Variants in C5 observed in about 807,000 individuals in gnomAD.
C5 encodes complement C5.
C5 carries 140 observed loss-of-function variants against 218.8 expected under a neutral mutation model. The ratio of observed to expected loss-of-function variants is 0.64; its 90% CI spans 0.56 to 0.74. The LOEUF (loss-of-function observed/expected upper bound fraction) is 0.74. Among genes scored for constraint, C5 ranks in the 30% least tolerant of loss-of-function variants. The pLI is 0.00. For missense variants in C5, 1,700 were observed against 1,969.6 expected, an observed-to-expected ratio of 0.86 and a Z score of 2.59; for synonymous variants, 614 against 682.3, an observed-to-expected ratio of 0.90 and a Z score of 1.56.
chr9:121,050,935 G>T (rs939883188), upstream of C5, among the ~76,000 whole-genome samples: 1 of 151,940 alleles, frequency 6.6e-6, no homozygotes, highest in South Asian at 2.1e-4. Flanking sequence ...ATTTATTAAG[G>T]CATATACCAC....
At chr9:120,980,303 T>C in intron 27 of C5, 49 bp from the exon 28 acceptor site, 1 of 1,517,422 alleles carries the variant, frequency 6.6e-7, no homozygotes, top group Non-Finnish European at 9.2e-7. Flanking sequence ...CAACCACCTA[T>C]CAATTGATAT....
chr9:120,990,394 G>T (rs1277102076), intron 23 of C5, among the ~76,000 whole-genome samples: 2 of 152,166 alleles, frequency 1.3e-5, no homozygotes, highest in Admixed American at 6.5e-5. Context: ...GTATGCGAGG[G>T]GAGGAGAATC....
intron 17 of C5, among the ~76,000 whole-genome samples, chr9:121,013,204 C>G (rs1193932763): frequency 6.6e-6 from 1 of 151,366 alleles, no homozygotes; most frequent in Non-Finnish European, 1.5e-5. Flanking sequence ...CCTTTAATCC[C>G]AGTTACTCAG....
chr9:121,030,376 C>A lies in C5; in HGVS notation c.758+21G>T, dbSNP rs564433768. 1,697 of 1,284,888 alleles carry A rather than the reference C, an allele frequency of 1.3e-3. 11 individuals are homozygous for A. The Middle Eastern group carries it at 0.013, about 10-fold the overall frequency. 79.6% of individuals were successfully genotyped at this position (1,284,888 alleles called of 1,614,324 possible). On this transcript the variant is annotated intron_variant, in intron 7 of 40. Coordinates refer to ENST00000223642, the MANE Select transcript of C5 (RefSeq NM_001735.3). ...ATTTGAAAAATAAAAATAAAAACAA[C>A]AAAAAAACAAATGTTCTTACCTTGC...
chr9:120,954,107 C>T (rs2046768027), intron 39 of C5, among the ~76,000 whole-genome samples: 1 of 152,152 alleles, frequency 6.6e-6, no homozygotes, highest in Non-Finnish European at 1.5e-5. Context: ...TGTATAAGGC[C>T]TTAGACCCTC....
chr9:121,016,460 T>C (rs2047308379), intron 14 of C5, 77 bp from the exon 15 acceptor site: 1 of 1,561,594 alleles, frequency 6.4e-7, no homozygotes. Context: ...GTACTAATTG[T>C]TACATGGTTA....
In C5 at chr9:120,997,523, G is replaced by A. The variant is rs1045980567; in HGVS notation, c.2790+24C>T. On this transcript the variant is annotated intron_variant, in intron 21 of 40. Coordinates refer to ENST00000223642, the MANE Select transcript of C5 (RefSeq NM_001735.3). ...CTCTTTTGCAATAATTTAAGCATAA[G>A]TTATTGAAGCATGTTTTTCTTACCA... 3.4e-6 allele frequency: 5 copies of A among 1,487,396 alleles called. No homozygotes were observed. In the South Asian group the frequency reaches 5.7e-5, roughly 17 times the overall value. The allele number at this position is 1,487,396 out of a possible 1,614,324, so 92.1% of individuals were successfully genotyped here. A position where few individuals can be genotyped will look rare whatever the true frequency, so the allele number is the denominator to read the frequency against.
chr9:121,050,371 T>TG, upstream of C5: 1 of 824,008 alleles, frequency 1.2e-6, no homozygotes. Context: ...AACCTCTAAG[T>TG]GGGAAAACTA....
the C5 span, among the ~76,000 whole-genome samples, chr9:121,067,351 A>C: frequency 2.0e-5 from 3 of 152,108 alleles, no homozygotes; most frequent in African/African-American, 7.2e-5. Flanking sequence ...TCATGAGGTC[A>C]AGAGATTGAG....
chr9:120,953,760 G>T lies in C5; in HGVS notation c.4871C>A (p.Ala1624Asp). 6.2e-7 allele frequency: 1 copy of T among 1,614,002 alleles called. No homozygotes were observed. The highest frequency in any genetic ancestry group is 8.5e-7 in the Non-Finnish European group (1 of 1,179,892). The change falls in exon 40 of 41, where the codon GCC becomes GAC. Residue 1624 changes from alanine to aspartate, a missense_variant. Transcript: ENST00000223642. Reference sequence around the variant, plus strand: ...ACTGAAATTGTATTTTATCTGGAGGGCTTCTTTACCCATAATTAAGTACTG... The same window carrying T: ...ACTGAAATTGTATTTTATCTGGAGGTCTTCTTTACCCATAATTAAGTACTG... ...GRQYLIMGKE[A>D]LQIKYNFSFR...
intron 9 of C5, 41 bp from the exon 10 acceptor site, chr9:121,023,560 TATCATG>T (rs1423503179): frequency 9.1e-7 from 1 of 1,100,726 alleles, no homozygotes; most frequent in African/African-American, 1.5e-5. Context: ...TTTTTAGGAG[TATCATG>T]ATCTGTATGG....
chr9:121,067,267 CA>C, the C5 span, among the ~76,000 whole-genome samples: 44 of 142,226 alleles, frequency 3.1e-4, no homozygotes, highest in South Asian at 4.5e-4. Flanking sequence ...AACTCCATCT[CA>C]AAAAAAAAAA....
intron 3 of C5, among the ~76,000 whole-genome samples, chr9:121,039,912 C>G (rs2047562373): frequency 6.6e-6 from 1 of 152,212 alleles, no homozygotes; most frequent in Admixed American, 6.5e-5. Context: ...GCTGGGATTA[C>G]AGGCATGAGC....
chr9:120,953,898 T>G, intron 39 of C5, 30 bp from the exon 40 acceptor site: 3 of 1,612,224 alleles, frequency 1.9e-6, no homozygotes, highest in Non-Finnish European at 2.5e-6. Context: ...AGTAAGGTTA[T>G]ACCATTCATG....
At chr9:120,966,100 C>G (rs2046865589) in intron 33 of C5, among the ~76,000 whole-genome samples, 1 of 152,144 alleles carries the variant, frequency 6.6e-6, no homozygotes, top group Non-Finnish European at 1.5e-5. Context: ...CAAAGAAGTT[C>G]CTACATGAAT....
intron 32 of C5, 72 bp from the exon 33 acceptor site, chr9:120,969,190 C>T: frequency 8.3e-7 from 1 of 1,198,486 alleles, no homozygotes; most frequent in Non-Finnish European, 1.2e-6. Flanking sequence ...TGGAACCTGT[C>T]AGAACAGAAT....
chr9:120,963,764 T>C (rs748400077), intron 33 of C5, 26 bp from the exon 34 acceptor site: 5 of 1,524,016 alleles, frequency 3.3e-6, no homozygotes, highest in African/African-American at 1.4e-5. Flanking sequence ...GGTTAGAAAA[T>C]ATAATAAATA....
the C5 span, among the ~76,000 whole-genome samples, chr9:121,070,757 A>T: frequency 4.5e-4 from 68 of 152,134 alleles, 1 homozygote; most frequent in Non-Finnish European, 8.5e-4. Context: ...AGAGAAAGAT[A>T]TCTTAAAGGA....
chr9:121,037,335 G>C (rs1345702716), intron 4 of C5, among the ~76,000 whole-genome samples: 1 of 145,242 alleles, frequency 6.9e-6, no homozygotes, highest in Non-Finnish European at 1.5e-5. Context: ...TCTTTTTTGA[G>C]ATGGAGTCTC....
Sources: gnomAD v4.1 joint callset for allele counts (sites outside exome capture counted in the v4.1 genomes callset) on GRCh38, gnomAD v4.1.1 for gene constraint, MANE v1.5 for transcripts, NCBI Gene and HGNC (gene_info 2026-07-23, HGNC 2026-07-21) for gene names.